The following USP8 variants were observed in gnomAD, a reference collection of about 807,000 sequenced individuals.
USP8 encodes ubiquitin specific peptidase 8.
USP8 carries 27 observed loss-of-function variants against 130.0 expected under a neutral mutation model. The observed-to-expected ratio is 0.21, with a 90% CI of 0.15 to 0.29. USP8 has a LOEUF of 0.29. Ranked by LOEUF, USP8 falls within the 10% of genes least tolerant of loss-of-function variation. The pLI is 1.00. For synonymous variants in USP8, 392 were observed against 444.1 expected, an observed-to-expected ratio of 0.88 and a Z score of 1.48; for missense variants, 1,029 against 1,312.2, an observed-to-expected ratio of 0.78 and a Z score of 3.33.
rs1269701335 is a variant in USP8 at position 50,424,759 on chromosome 15, G to A, written c.-66+245G>A. ...TGTGTTTTTTTGGTTTTAAAAGGTG[G>A]CTTTGACCAATCTTCCGTTCTCTTG... On this transcript the variant is annotated intron_variant, in intron 1 of 19. Transcript: ENST00000307179. The A allele has an allele frequency of 2.0e-5, 7 of 350,386 alleles. 1 individual carries two copies. In the Admixed American group the frequency reaches 3.3e-4, roughly 17 times the overall value. 21.7% of individuals were successfully genotyped at this position (350,386 alleles called of 1,614,324 possible). A position where few individuals can be genotyped will look rare whatever the true frequency, so the allele number is the denominator to read the frequency against.
At chr15:50,430,429 G>C (rs1595893947) in intron 1 of USP8, among the ~76,000 whole-genome samples, 2 of 151,844 alleles carry the variant, frequency 1.3e-5, no homozygotes, top group South Asian at 4.2e-4. Flanking sequence ...AATTAGACAG[G>C]GTCTCCCTCT....
intron 1 of USP8, among the ~76,000 whole-genome samples, chr15:50,431,474 A>C (rs1185691437): frequency 1.3e-5 from 2 of 152,152 alleles, no homozygotes; most frequent in Non-Finnish European, 2.9e-5. Context: ...AATATAATTT[A>C]GTTATTCTTG....
At chr15:50,471,006 G>A (rs2051359344) in intron 7 of USP8, among the ~76,000 whole-genome samples, 1 of 152,172 alleles carries the variant, frequency 6.6e-6, no homozygotes, top group Admixed American at 6.5e-5. Context: ...CAAAGAACAT[G>A]TACATGAGCC....
intron 4 of USP8, among the ~76,000 whole-genome samples, chr15:50,453,076 G>A (rs2050675834): frequency 6.6e-6 from 1 of 152,190 alleles, no homozygotes. Flanking sequence ...TTGCTATTCT[G>A]TGACCAAGTT....
Position 50,502,923 on chromosome 15 carries a change from T to C in USP8, c.*3835T>C, listed in dbSNP as rs2052611746. On this transcript the variant is annotated 3_prime_UTR_variant, in exon 20 of 20. Transcript: ENST00000307179. ...ATCTATTAACATGGCTTGTTTTGTA[T>C]AGCTGTTATCAAATATCTCATGTAT... 6.6e-6 allele frequency: 1 copy of C among 152,258 alleles called. No homozygotes were observed. The highest frequency in any genetic ancestry group is 2.4e-5 in the African/African-American group (1 of 41,474). The allele number at this position is 152,258 out of a possible 1,614,324, so 9.4% of individuals were successfully genotyped here.
intron 3 of USP8, among the ~76,000 whole-genome samples, chr15:50,445,568 A>AAAAAAAAAAAAAAAAC (rs1248390470): frequency 8.9e-6 from 1 of 112,788 alleles, no homozygotes; most frequent in South Asian, 3.1e-4. Context: ...AAAAAAAAAA[A>AAAAAAAAAAAAAAAAC]AGCCTGGGCA....
At chr15:50,448,387 C>G (rs533375978) in intron 3 of USP8, among the ~76,000 whole-genome samples, 3 of 152,154 alleles carry the variant, frequency 2.0e-5, no homozygotes, top group African/African-American at 7.2e-5. Context: ...ATTGTAGTAT[C>G]TAATGATTGA....
At chr15:50,448,004 A>G (rs888309051) in intron 3 of USP8, among the ~76,000 whole-genome samples, 1 of 152,036 alleles carries the variant, frequency 6.6e-6, no homozygotes, top group Non-Finnish European at 1.5e-5. Context: ...CAGCCTCCCA[A>G]AGTGCTGGGA....
At chr15:50,494,467 A>G (rs557750266) in intron 16 of USP8, among the ~76,000 whole-genome samples, 187 bp downstream of exon 16, 1 of 152,376 alleles carries the variant, frequency 6.6e-6, no homozygotes, top group East Asian at 1.9e-4. Flanking sequence ...GTTGGTATTT[A>G]CTAATTAACA....
At chr15:50,490,201 T>C in intron 13 of USP8, 62 bp from the exon 14 acceptor site, 1 of 1,486,894 alleles carries the variant, frequency 6.7e-7, no homozygotes, top group Non-Finnish European at 9.1e-7. Flanking sequence ...GAGTGATTTC[T>C]TTGTTTATAT....
intron 4 of USP8, among the ~76,000 whole-genome samples, chr15:50,457,119 A>AT (rs2141275496): frequency 6.6e-6 from 1 of 152,332 alleles, no homozygotes; most frequent in South Asian, 2.1e-4. Context: ...GTACAAAATA[A>AT]TTTTGAGTTC....
At chr15:50,428,083 C>T (rs2049804379) in intron 1 of USP8, among the ~76,000 whole-genome samples, 1 of 151,932 alleles carries the variant, frequency 6.6e-6, no homozygotes, top group East Asian at 1.9e-4. Flanking sequence ...TTAACTAAGC[C>T]TTGTCTCTTT....
chr15:50,476,764 GAACAACTTT>G, intron 8 of USP8, 76 bp from the exon 9 acceptor site: 1 of 1,407,308 alleles, frequency 7.1e-7, no homozygotes, highest in Non-Finnish European at 9.3e-7. Flanking sequence ...GTCCTTAAGG[GAACAACTTT>G]AAAATTTAGA....
intron 4 of USP8, among the ~76,000 whole-genome samples, chr15:50,456,607 C>T (rs539375430): frequency 1.3e-4 from 20 of 151,818 alleles, no homozygotes; most frequent in East Asian, 5.8e-4. Flanking sequence ...GCTTAATGGC[C>T]GGGTGTGGTG....
In USP8 at chr15:50,502,454, T is replaced by A; in HGVS notation, c.*3366T>A. 6.6e-6 allele frequency: 1 copy of A among 152,406 alleles called. No individual in the cohort carries two copies. The highest frequency in any genetic ancestry group is 1.5e-5 in the Non-Finnish European group (1 of 68,234). The allele number at this position is 152,406 out of a possible 1,614,324, so 9.4% of individuals were successfully genotyped here. ...CGTGATCTCAGCTCACCACAACCTC[T>A]GCTTCCTGGGTTAAAGCTCTTCTCC... On this transcript the variant is annotated 3_prime_UTR_variant, in exon 20 of 20. Coordinates refer to ENST00000307179, the MANE Select transcript of USP8 (RefSeq NM_005154.5).
In USP8 at chr15:50,459,601, A is replaced by T. The variant is rs867923991; in HGVS notation, c.498+439A>T. Among the ~76,000 whole-genome samples the T allele has an allele frequency of 2.6e-5, 4 of 152,240 alleles. 1 individual carries two copies. The Middle Eastern group carries it at 0.014, about 518-fold the overall frequency. On this transcript the variant is annotated intron_variant, in intron 5 of 19. Transcript: ENST00000307179. The stretch of plus-strand genomic sequence containing the variant: ...TCTTGTCTCAAAAAAAAAGAAAAGA[A>T]TTTGAATTAAATATTCTAGCCTCAG...
At chr15:50,460,243 C>G (rs2050943117) in intron 5 of USP8, among the ~76,000 whole-genome samples, 1 of 150,504 alleles carries the variant, frequency 6.6e-6, no homozygotes, top group Admixed American at 6.6e-5. Flanking sequence ...AGTGATCTGC[C>G]TGCCTCAGCC....
intron 2 of USP8, among the ~76,000 whole-genome samples, chr15:50,440,701 C>T (rs1410714065): frequency 6.6e-6 from 1 of 152,074 alleles, no homozygotes; most frequent in Non-Finnish European, 1.5e-5. Context: ...CTTAGATTCT[C>T]ATAAAGAATG....
At chr15:50,475,955 G>A (rs1434761004) in intron 8 of USP8, among the ~76,000 whole-genome samples, 2 of 152,026 alleles carry the variant, frequency 1.3e-5, no homozygotes, top group African/African-American at 4.8e-5. Flanking sequence ...GCAATATATT[G>A]AAAACCTTAA....
Sources: gnomAD v4.1 joint callset for allele counts (sites outside exome capture counted in the v4.1 genomes callset) on GRCh38, gnomAD v4.1.1 for gene constraint, MANE v1.5 for transcripts, NCBI Gene and HGNC (gene_info 2026-07-23, HGNC 2026-07-21) for gene names.